DIP2B: variants seen among roughly 807,000 people sequenced by gnomAD.
DIP2B encodes DIP2 acetate--CoA ligase B (putative).
Under a neutral mutation model 198.0 loss-of-function variants are expected in DIP2B, and 76 were observed. That is an observed-to-expected ratio of 0.38 (90% CI 0.32 to 0.46). The LOEUF is 0.46. DIP2B is among the 20% of genes least tolerant of loss of function. The pLI is 0.99. For synonymous variants in DIP2B, 701 were observed against 739.1 expected (o/e 0.95, Z 0.84); for missense variants, 1,559 against 1,978.4 (o/e 0.79, Z 4.02).
chr12:50,732,494 C>T lies in DIP2B; in HGVS notation c.3939C>T (p.Ser1313=). 1 of 1,614,218 alleles carries T rather than the reference C, an allele frequency of 6.2e-7. No individual in the cohort carries two copies. The highest frequency in any genetic ancestry group is 8.5e-7 in the Non-Finnish European group (1 of 1,180,040). ...KDIGLSPRAV[S]TTFGSRVNVA... Reference sequence around the variant, plus strand: ...TCGGGCTGTCCCCGCGGGCTGTCAGCACCACTTTTGGATCAAGAGTCAATG... The same window carrying T: ...TCGGGCTGTCCCCGCGGGCTGTCAGTACCACTTTTGGATCAAGAGTCAATG... The change falls in exon 32 of 38, where the codon AGC becomes AGT. Residue 1313 remains serine, a synonymous_variant. Coordinates refer to ENST00000301180, the MANE Select transcript of DIP2B (RefSeq NM_173602.3).
chr12:50,545,887 C>T (rs754861083), intron 1 of DIP2B, among the ~76,000 whole-genome samples: 5 of 152,106 alleles, frequency 3.3e-5, no homozygotes, highest in South Asian at 2.1e-4. Flanking sequence ...CCACCCGCCT[C>T]GGCCTCTCAA....
chr12:50,599,185 A>G (rs1958914358), intron 1 of DIP2B, among the ~76,000 whole-genome samples: 1 of 150,080 alleles, frequency 6.7e-6, no homozygotes, highest in Admixed American at 6.7e-5. Context: ...CCAGCTACTC[A>G]GGAGGCTGAG....
chr12:50,552,428 G>A (rs1453348837), intron 1 of DIP2B, among the ~76,000 whole-genome samples: 1 of 151,838 alleles, frequency 6.6e-6, no homozygotes, highest in East Asian at 1.9e-4. Context: ...CACCACGCCC[G>A]GCTAATTTTT....
At chr12:50,515,524 AG>A (rs1958056299) in intron 1 of DIP2B, among the ~76,000 whole-genome samples, 2 of 152,112 alleles carry the variant, frequency 1.3e-5, no homozygotes, top group Admixed American at 6.6e-5. Context: ...CACCATGCCC[AG>A]CCCTACACTG....
chr12:50,665,668 G>A (rs1938739549), intron 4 of DIP2B, among the ~76,000 whole-genome samples: 2 of 151,656 alleles, frequency 1.3e-5, no homozygotes, highest in African/African-American at 2.4e-5. Context: ...GCCTGTGGTT[G>A]TAGCCACTCA....
chr12:50,523,202 A>G (rs1374327721), intron 1 of DIP2B, among the ~76,000 whole-genome samples: 1 of 152,210 alleles, frequency 6.6e-6, no homozygotes, highest in Admixed American at 6.6e-5. Context: ...CTGCTAAAAA[A>G]TGGCATGGTA....
chr12:50,741,008 T>C (rs193293387), intron 36 of DIP2B, among the ~76,000 whole-genome samples: 1 of 152,334 alleles, frequency 6.6e-6, no homozygotes, highest in Admixed American at 6.5e-5. Context: ...CTGGGCTTGT[T>C]ACATTACAAC....
In DIP2B at chr12:50,612,456, C is replaced by G. The variant is rs1409785478; in HGVS notation, c.101-13520C>G. Among the ~76,000 whole-genome samples, 8 of 136,142 alleles carry G rather than the reference C, an allele frequency of 5.9e-5. No homozygotes were observed. The South Asian group carries it at 1.8e-3, about 31-fold the overall frequency. 89.3% of individuals were successfully genotyped at this position (136,142 alleles called of 152,430 possible). A position where few individuals can be genotyped will look rare whatever the true frequency, so the allele number is the denominator to read the frequency against. The stretch of plus-strand genomic sequence containing the variant: ...TTTTTTTTTTTTTTTTTGAGACAGT[C>G]TTGCTCTGTCCCCCCAGGCTGGGGT... On this transcript the variant is annotated intron_variant, in intron 1 of 37. Transcript: ENST00000301180.
intron 1 of DIP2B, among the ~76,000 whole-genome samples, chr12:50,598,138 A>G (rs767626969): frequency 1.7e-4 from 26 of 152,178 alleles, no homozygotes; most frequent in Admixed American, 7.2e-4. Context: ...CTTTTGCATT[A>G]CTGAGCAAAG....
At chr12:50,637,527 A>C (rs2139483386) in intron 2 of DIP2B, among the ~76,000 whole-genome samples, 1 of 152,250 alleles carries the variant, frequency 6.6e-6, no homozygotes, top group Admixed American at 6.5e-5. Flanking sequence ...TCTTCCCTGA[A>C]ACTCTAATAC....
At chr12:50,737,560 TAAA>T (rs1940159245) in intron 35 of DIP2B, among the ~76,000 whole-genome samples, 1 of 151,858 alleles carries the variant, frequency 6.6e-6, no homozygotes, top group Non-Finnish European at 1.5e-5. Flanking sequence ...TATAAGTATA[TAAA>T]AATTAACTAT....
intron 1 of DIP2B, among the ~76,000 whole-genome samples, chr12:50,594,545 A>G (rs531334792): frequency 4.6e-5 from 7 of 152,338 alleles, no homozygotes; most frequent in African/African-American, 1.7e-4. Context: ...TTAATTTTGT[A>G]AAGTCAATAC....
At position 50,607,950 on chromosome 12, in the gene DIP2B, C is replaced by T. The variant is rs532278668; in HGVS notation, c.101-18026C>T. Among the ~76,000 whole-genome samples the T allele has an allele frequency of 5.9e-5, 9 of 152,268 alleles. No homozygotes were observed. In the South Asian group the frequency reaches 1.2e-3, roughly 21 times the overall value. On this transcript the variant is annotated intron_variant, in intron 1 of 37. Coordinates refer to ENST00000301180, the MANE Select transcript of DIP2B (RefSeq NM_173602.3). The stretch of plus-strand genomic sequence containing the variant: ...CTGGGACTGCAGGTGTGCGCCACTA[C>T]GCCCGGCTAATTTTGTATTTTTTGT...
chr12:50,595,221 A>C (rs1285946591), intron 1 of DIP2B, among the ~76,000 whole-genome samples: 1 of 152,246 alleles, frequency 6.6e-6, no homozygotes, highest in Non-Finnish European at 1.5e-5. Flanking sequence ...TCGTGCACAC[A>C]GTCGTACATT....
intron 1 of DIP2B, among the ~76,000 whole-genome samples, chr12:50,625,319 T>G (rs1367322770): frequency 6.6e-6 from 1 of 152,240 alleles, no homozygotes; most frequent in Non-Finnish European, 1.5e-5. Context: ...ACAGATTTTC[T>G]CCTGTATTTA....
chr12:50,593,714 TC>T (rs1565837016), intron 1 of DIP2B, among the ~76,000 whole-genome samples: 1 of 3,598 alleles, frequency 2.8e-4, no homozygotes, highest in African/African-American at 2.1e-3. Context: ...TCCCCTCCTC[TC>T]CTCTCCTCTC....
At chr12:50,628,461 G>A (rs1019403300) in intron 2 of DIP2B, among the ~76,000 whole-genome samples, 5 of 152,186 alleles carry the variant, frequency 3.3e-5, no homozygotes, top group African/African-American at 1.2e-4. Flanking sequence ...GTATCACTGT[G>A]TGCAGCAATT....
chr12:50,741,583 T>G (rs959530822), intron 37 of DIP2B, 44 bp downstream of exon 37: 1 of 1,585,806 alleles, frequency 6.3e-7, no homozygotes, highest in Non-Finnish European at 8.6e-7. Context: ...TCAGCTTTAG[T>G]CATAATCTCA....
chr12:50,700,901 C>T (rs1592133973), intron 19 of DIP2B, among the ~76,000 whole-genome samples: 1 of 152,186 alleles, frequency 6.6e-6, no homozygotes, highest in African/African-American at 2.4e-5. Flanking sequence ...GGCTGGAATA[C>T]GGTGGCTCAA....
Sources: allele counts gnomAD v4.1 joint callset (sites outside exome capture counted in the v4.1 genomes callset), GRCh38; gene constraint gnomAD v4.1.1; transcripts MANE v1.5; gene names NCBI Gene and HGNC (gene_info 2026-07-23, HGNC 2026-07-21).